The following BACE1 variants were observed in gnomAD, a reference collection of about 807,000 sequenced individuals.
BACE1 encodes the protein APP beta-secretase.
A neutral mutation model predicts 54.0 loss-of-function variants in BACE1; 21 were observed. The observed-to-expected ratio is 0.39, with a 90% confidence interval of 0.28 to 0.56. The LOEUF is 0.56. Among genes scored for constraint, BACE1 ranks in the 20% least tolerant of loss-of-function variants. The pLI is 0.63. For synonymous variants in BACE1, 232 were observed against 260.9 expected (o/e 0.89, Z 1.07); for missense variants, 511 against 661.2 (o/e 0.77, Z 2.49).
intron 1 of BACE1, among the ~76,000 whole-genome samples, chr11:117,307,198 T>C (rs1760898692): frequency 6.6e-6 from 1 of 152,178 alleles, no homozygotes; most frequent in African/African-American, 2.4e-5. Context: ...TCAGAAAATG[T>C]TCTGGTTCCT....
chr11:117,315,245 C>T lies in BACE1; in HGVS notation c.261+290G>A, dbSNP rs2035069798. Among the ~76,000 whole-genome samples the T allele has an allele frequency of 6.6e-6, 1 of 152,156 alleles. No individual in the cohort carries two copies. Among genetic ancestry groups the T allele is most frequent in the Non-Finnish European group, 1.5e-5 (1 of 68,028 alleles). On this transcript the variant is annotated intron_variant, in intron 1 of 8. Transcript: ENST00000313005. The surrounding 1 kb of genome is among the most constrained non-coding windows in gnomAD (Gnocchi z 5.5). ...GTGCCCCTGTGGCGGACCCTTCCTC[C>T]AGGTCAGGGTCCCCAGCTGATGTGT... is the stretch of plus-strand genomic sequence containing the variant.
intron 1 of BACE1, chr11:117,299,546 C>A: frequency 3.3e-6 from 1 of 302,622 alleles, no homozygotes; most frequent in Non-Finnish European, 6.4e-6. Flanking sequence ...CCCAAAGACT[C>A]CTCTGACAAT....
chr11:117,312,393 C>T (rs1176290550), intron 1 of BACE1, among the ~76,000 whole-genome samples: 1 of 152,208 alleles, frequency 6.6e-6, no homozygotes, highest in Non-Finnish European at 1.5e-5. Flanking sequence ...GTGCGGCTTT[C>T]CTGGATGAGT....
In BACE1 at chr11:117,296,977, G is replaced by A. The variant is rs2034615824; in HGVS notation, c.262-16C>T. ...GGATGTTGAGCTGTCAGAGAAAGGG[G>A]AGAGAAAAGACAGTATAGACAGGAG... On this transcript the variant is annotated splice_polypyrimidine_tract_variant and intron_variant, in intron 1 of 8. Transcript: ENST00000313005. The A allele has an allele frequency of 1.2e-6, 2 of 1,603,720 alleles. No homozygotes were observed. Among genetic ancestry groups the A allele is most frequent in the African/African-American group, 1.3e-5 (1 of 74,800 alleles).
intron 1 of BACE1, among the ~76,000 whole-genome samples, chr11:117,308,437 G>A (rs940860106): frequency 5.3e-5 from 8 of 152,036 alleles, no homozygotes; most frequent in Non-Finnish European, 1.0e-4. Context: ...CTTCCACGAG[G>A]ATGACCCACT....
rs1451011487 is a variant in BACE1, at chr11:117,290,350, T to C, written c.1264+138A>G. On this transcript the variant is annotated intron_variant, in intron 8 of 8. Transcript: ENST00000313005. ...AAGGACGAGCATTGACACTAGCTTTTGCACAACTGTTGACTTGGGTTTGAG... is the reference window on the plus strand; with the variant it reads ...AAGGACGAGCATTGACACTAGCTTTCGCACAACTGTTGACTTGGGTTTGAG... 8.3e-6 allele frequency: 9 copies of C among 1,079,538 alleles called. No individual in the cohort carries two copies. The Admixed American group carries it at 8.7e-5, about 10-fold the overall frequency. The allele number at this position is 1,079,538 out of a possible 1,614,324, so 66.9% of individuals were successfully genotyped here.
Position 117,286,321 on chromosome 11 carries a change from T to TAA in BACE1, c.*3243_*3244dup, listed in dbSNP as rs1416360840. 1 of 152,268 alleles carries TAA rather than the reference T, an allele frequency of 6.6e-6. No individual in the cohort carries two copies. The highest frequency in any genetic ancestry group is 6.5e-5 in the Admixed American group (1 of 15,286). The allele number at this position is 152,268 out of a possible 1,614,324, so 9.4% of individuals were successfully genotyped here. ...TTCCACCTCTGCTTATTGTACTTCT[T>TAA]AATTTTAGGTTTTATACCTGGGAAA... On this transcript the variant is annotated 3_prime_UTR_variant, in exon 9 of 9. Transcript: ENST00000313005.
At chr11:117,297,059 G>A in intron 1 of BACE1, 98 bp from the exon 2 acceptor site, 4 of 894,586 alleles carry the variant, frequency 4.5e-6, no homozygotes, top group South Asian at 4.3e-5. Context: ...CTGCCCCTTA[G>A]AATGTCCAGA....
At chr11:117,294,777 C>T (rs975482225) in intron 3 of BACE1, among the ~76,000 whole-genome samples, 4 of 151,378 alleles carry the variant, frequency 2.6e-5, no homozygotes, top group African/African-American at 4.9e-5. Context: ...CCCAGCTACT[C>T]GGGAGGCTGA....
At chr11:117,312,528 T>C (rs373366353) in intron 1 of BACE1, among the ~76,000 whole-genome samples, 13 of 152,126 alleles carry the variant, frequency 8.5e-5, no homozygotes, top group Non-Finnish European at 1.3e-4. Flanking sequence ...AATGGCGTGA[T>C]CTCGGCTCAC....
At chr11:117,306,774 G>A (rs569138933) in intron 1 of BACE1, among the ~76,000 whole-genome samples, 3 of 152,084 alleles carry the variant, frequency 2.0e-5, no homozygotes, top group East Asian at 3.9e-4. Context: ...TCGCGCCACC[G>A]CACTCCAGCC....
chr11:117,295,370 T>G, intron 2 of BACE1, 23 bp from the exon 3 acceptor site: 1 of 1,608,786 alleles, frequency 6.2e-7, no homozygotes, highest in Admixed American at 1.7e-5. Context: ...GGCAGAGATC[T>G]GTGGATGCAT....
At chr11:117,311,049 A>G (rs1228256257) in intron 1 of BACE1, among the ~76,000 whole-genome samples, 2 of 151,888 alleles carry the variant, frequency 1.3e-5, no homozygotes, top group Non-Finnish European at 2.9e-5. Flanking sequence ...CAGTGGTGCA[A>G]TCACAGCTCA....
chr11:117,314,601 G>T (rs182668476), intron 1 of BACE1: 1 of 152,482 alleles, frequency 6.6e-6, no homozygotes, highest in Non-Finnish European at 1.5e-5. Flanking sequence ...AGAACCACAG[G>T]GCTGCCCGGG....
chr11:117,289,598 C>T lies in BACE1; in HGVS notation c.1474G>A (p.Asp492Asn). 3.1e-6 allele frequency: 5 copies of T among 1,614,182 alleles called. No homozygotes were observed. Among genetic ancestry groups the T allele is most frequent in the Non-Finnish European group, 4.2e-6 (5 of 1,180,042 alleles). ...AGCAGGGAGATGTCATCAGCAAAGT[C>T]ATCATGCTGCTGGCGCAGGCAGCGG... ...CLRCLRQQHD[D>N]FADDISLLK The change falls in exon 9 of 9, where the codon GAC becomes AAC. Residue 492 changes from aspartate to asparagine, a missense_variant. Asp to Asn is a conservative substitution (Grantham distance 23). Around this residue, in one of 2 missense-constraint regions of BACE1, gnomAD observed 407 missense variants for 565.7 expected, o/e 0.72. Transcript: ENST00000313005.
chr11:117,313,219 T>C (rs534152237), intron 1 of BACE1, among the ~76,000 whole-genome samples: 21 of 152,258 alleles, frequency 1.4e-4, no homozygotes, highest in African/African-American at 3.6e-4. Context: ...TTAGAAATCA[T>C]AGTGCAAGCC....
In BACE1 at chr11:117,314,799, G is replaced by A. The variant is rs549866655; in HGVS notation, c.261+736C>T. 3.9e-5 allele frequency: 6 copies of A among 152,606 alleles called. 1 individual carries two copies. The highest frequency in any genetic ancestry group is 3.9e-4 in the East Asian group (2 of 5,184). The allele number at this position is 152,606 out of a possible 1,614,324, so 9.5% of individuals were successfully genotyped here. A position where few individuals can be genotyped will look rare whatever the true frequency, so the allele number is the denominator to read the frequency against. ...TTTCTCTGTAACTCCCCTCTCCCCC[G>A]CCATGGAAGGAGTCCCACTCTTAAA... On this transcript the variant is annotated intron_variant, in intron 1 of 8. Transcript: ENST00000313005.
chr11:117,300,629 G>A (rs1287836124), intron 1 of BACE1, among the ~76,000 whole-genome samples: 1 of 152,124 alleles, frequency 6.6e-6, no homozygotes, highest in Non-Finnish European at 1.5e-5. Flanking sequence ...ACTGGGCCAG[G>A]GGATGAGACT....
chr11:117,304,566 G>A (rs1033769581), intron 1 of BACE1, among the ~76,000 whole-genome samples: 3 of 152,196 alleles, frequency 2.0e-5, no homozygotes, highest in Admixed American at 2.0e-4. Context: ...CAGGCTTCTT[G>A]TGAAGTTTCC....
Sources: gnomAD v4.1 joint callset for allele counts (sites outside exome capture counted in the v4.1 genomes callset) on GRCh38, gnomAD v4.1.1 for gene constraint, gnomAD v4.1.1 regional missense constraint, Gnocchi (gnomAD v3.1) non-coding constraint, MANE v1.5 for transcripts, NCBI Gene and HGNC (gene_info 2026-07-23, HGNC 2026-07-21) for gene names.